The following DSCAM variants were observed in gnomAD, a reference collection of about 807,000 sequenced individuals.
The protein encoded by DSCAM is cell adhesion molecule DSCAM.
Under a neutral mutation model 217.7 loss-of-function variants are expected in DSCAM, and 47 were observed. That is an observed-to-expected ratio of 0.22 (90% CI 0.17 to 0.28). The LOEUF (loss-of-function observed/expected upper bound fraction) is 0.28, where lower values mean the gene tolerates loss of function less well. DSCAM is among the 10% of genes least tolerant of loss of function. The pLI is 1.00. For missense variants in DSCAM, 2,080 were observed against 2,618.3 expected (o/e 0.79, Z 4.49); for synonymous variants, 1,056 against 1,015.3 (o/e 1.04, Z -0.76).
At chr21:40,577,009 AAAT>A (rs1260121540) in intron 3 of DSCAM, among the ~76,000 whole-genome samples, 3 of 151,684 alleles carry the variant, frequency 2.0e-5, no homozygotes, top group South Asian at 2.1e-4. Flanking sequence ...ATAAAAAAAA[AAAT>A]AAGATGCAAA....
rs5843993 is a variant in DSCAM at position 40,015,417 on chromosome 21, C to CTTT, written c.5687-2034_5687-2032dup. Among the ~76,000 whole-genome samples, 235 of 145,514 alleles carry CTTT rather than the reference C, an allele frequency of 1.6e-3. 1 individual carries two copies. Among genetic ancestry groups the CTTT allele is most frequent in the Non-Finnish European group, 1.1e-3 (73 of 66,940 alleles). On this transcript the variant is annotated intron_variant, in intron 32 of 32. Coordinates refer to ENST00000400454, the MANE Select transcript of DSCAM (RefSeq NM_001389.5). ...TCTACCGGCAAAATATCTCTTGACT[C>CTTT]TTTTTTTTTTTTTTCTTTTTTAAAC...
At chr21:40,577,077 C>T (rs1164812810) in intron 3 of DSCAM, among the ~76,000 whole-genome samples, 1 of 151,140 alleles carries the variant, frequency 6.6e-6, no homozygotes, top group African/African-American at 2.4e-5. Flanking sequence ...ATTTATATAT[C>T]ATAAATTTAT....
intron 3 of DSCAM, among the ~76,000 whole-genome samples, chr21:40,520,563 C>A (rs988813236): frequency 7.2e-5 from 11 of 152,080 alleles, no homozygotes; most frequent in African/African-American, 2.7e-4. Flanking sequence ...AATCCCAGCA[C>A]TTTGGGAGGC....
chr21:40,502,139 T>C (rs911695974), intron 3 of DSCAM, among the ~76,000 whole-genome samples: 2 of 152,152 alleles, frequency 1.3e-5, no homozygotes, highest in African/African-American at 2.4e-5. Flanking sequence ...AAATTATTAA[T>C]ATAGGCAACA....
chr21:40,395,022 A>C (rs1247330502), intron 3 of DSCAM, among the ~76,000 whole-genome samples: 1 of 152,270 alleles, frequency 6.6e-6, no homozygotes. Context: ...TTGAGTGGTC[A>C]AACAATGTCG....
chr21:40,406,585 GTTT>G (rs1252111104), intron 3 of DSCAM, among the ~76,000 whole-genome samples: 3 of 151,944 alleles, frequency 2.0e-5, no homozygotes, highest in Non-Finnish European at 4.4e-5. Flanking sequence ...TATGTAAAAC[GTTT>G]TTGTTTGTTT....
intron 11 of DSCAM, among the ~76,000 whole-genome samples, chr21:40,225,706 G>C (rs543527217): frequency 6.6e-6 from 1 of 152,020 alleles, no homozygotes; most frequent in African/African-American, 2.4e-5. Context: ...ACCTATTACC[G>C]CTGGGGTCCA....
intron 1 of DSCAM, among the ~76,000 whole-genome samples, chr21:40,805,816 C>T (rs1210970215): frequency 2.0e-5 from 3 of 152,054 alleles, no homozygotes; most frequent in Admixed American, 6.5e-5. Flanking sequence ...TCATGCCATT[C>T]TCCTGCCTCA....
intron 11 of DSCAM, among the ~76,000 whole-genome samples, chr21:40,255,662 G>T (rs879439747): frequency 6.6e-5 from 10 of 152,210 alleles, no homozygotes; most frequent in African/African-American, 2.4e-4. Flanking sequence ...AGAAGCAAAA[G>T]AAACAGAACA....
intron 1 of DSCAM, among the ~76,000 whole-genome samples, chr21:40,845,234 G>C (rs978261444): frequency 6.6e-6 from 1 of 152,198 alleles, no homozygotes; most frequent in Non-Finnish European, 1.5e-5. Context: ...CTTTGCTTTA[G>C]GTTATACTGG....
At chr21:40,196,826 G>A (rs920749334) in intron 11 of DSCAM, among the ~76,000 whole-genome samples, 1 of 152,040 alleles carries the variant, frequency 6.6e-6, no homozygotes, top group Non-Finnish European at 1.5e-5. Flanking sequence ...TCAGCCATAC[G>A]ACATGATGGA....
intron 1 of DSCAM, among the ~76,000 whole-genome samples, chr21:40,709,514 G>A (rs772368548): frequency 1.8e-4 from 27 of 151,746 alleles, no homozygotes; most frequent in African/African-American, 5.8e-4. Context: ...AACAGGCCCC[G>A]GTGTGTGATG....
At chr21:40,731,509 A>G (rs79163891) in intron 1 of DSCAM, among the ~76,000 whole-genome samples, 9,940 of 152,084 alleles carry the variant, frequency 0.065, 585 homozygotes, top group African/African-American at 0.15. Flanking sequence ...ATTTTTTTTC[A>G]TGGTTCTGGA....
intron 3 of DSCAM, among the ~76,000 whole-genome samples, chr21:40,470,419 T>C (rs539806083): frequency 7.8e-4 from 119 of 152,354 alleles, no homozygotes; most frequent in African/African-American, 2.7e-3. Context: ...GCCTCCCTCA[T>C]TGGAGCAAGG....
At chr21:40,613,122 T>C (rs1234174415) in intron 3 of DSCAM, among the ~76,000 whole-genome samples, 1 of 152,224 alleles carries the variant, frequency 6.6e-6, no homozygotes, top group Non-Finnish European at 1.5e-5. Flanking sequence ...TGGGTTTATC[T>C]GAAAACTGCA....
At position 40,486,696 on chromosome 21, in the gene DSCAM, C is replaced by G. The variant is rs1320488973; in HGVS notation, c.509-117451G>C. ...CACTGTTTAAGCATTAGGACTAAAG[C>G]TTGAATTTTCACGGGGTAAACTGAT... On this transcript the variant is annotated intron_variant, in intron 3 of 32. Transcript: ENST00000400454. Among the ~76,000 whole-genome samples, 3 of 152,132 alleles carry G rather than the reference C, an allele frequency of 2.0e-5. No homozygotes were observed. In the East Asian group the frequency reaches 5.8e-4, roughly 29 times the overall value.
intron 1 of DSCAM, among the ~76,000 whole-genome samples, chr21:40,790,992 C>T (rs943832005): frequency 6.6e-6 from 1 of 151,692 alleles, no homozygotes; most frequent in Admixed American, 6.6e-5. Flanking sequence ...CCCTGGCCAA[C>T]ATGGTAAAAC....
chr21:40,075,251 A>G, intron 26 of DSCAM, 38 bp from the exon 27 acceptor site: 1 of 1,609,976 alleles, frequency 6.2e-7, no homozygotes, highest in South Asian at 1.1e-5. Flanking sequence ...GCTATTAATG[A>G]AGACGGCATG....
At chr21:40,109,416 G>C (rs764486119) in intron 20 of DSCAM, among the ~76,000 whole-genome samples, 1 of 152,226 alleles carries the variant, frequency 6.6e-6, no homozygotes, top group Non-Finnish European at 1.5e-5. Context: ...CTGATCATTA[G>C]AGAAATGCAA....
Sources: gnomAD v4.1 joint callset for allele counts (sites outside exome capture counted in the v4.1 genomes callset) on GRCh38, gnomAD v4.1.1 for gene constraint, MANE v1.5 for transcripts, NCBI Gene and HGNC (gene_info 2026-07-23, HGNC 2026-07-21) for gene names.